PPP2R3B: variants seen among roughly 807,000 people sequenced by gnomAD.
The protein encoded by PPP2R3B is serine/threonine-protein phosphatase 2A regulatory subunit B'' subunit beta.
Under a neutral mutation model 72.9 loss-of-function variants are expected in PPP2R3B, and 68 were observed. The observed-to-expected ratio is 0.93, with a 90% CI of 0.77 to 1.14. The LOEUF (loss-of-function observed/expected upper bound fraction) is 1.14, where lower values mean the gene tolerates loss of function less well. PPP2R3B is among the 50% of genes most tolerant of loss of function. The pLI is 0.00. For synonymous variants in PPP2R3B, 466 were observed against 375.8 expected (o/e 1.24, Z -2.78); for missense variants, 1,018 against 842.0 (o/e 1.21, Z -2.59).
At chrX:370,784 G>A (rs2071843051) in intron 1 of PPP2R3B, among the ~76,000 whole-genome samples, 1 of 152,218 alleles carries the variant, frequency 6.6e-6, no homozygotes, top group East Asian at 1.9e-4. Context: ...CACGTGCCCT[G>A]GCGGTGAGAG....
At chrX:357,187 AAG>A (rs34526404) in intron 2 of PPP2R3B, among the ~76,000 whole-genome samples, 43,558 of 151,718 alleles carry the variant, frequency 0.29, 6,709 homozygotes, top group East Asian at 0.39. Flanking sequence ...CCAGGGAGAA[AAG>A]AGGGGAATGA....
intron 1 of PPP2R3B, among the ~76,000 whole-genome samples, chrX:375,063 A>C: frequency 6.8e-6 from 1 of 148,122 alleles, no homozygotes; most frequent in Non-Finnish European, 1.5e-5. Flanking sequence ...ACAGCCCCCC[A>C]CCCGCAAGGC....
chrX:369,633 T>TCCTCTCGCGACACCAG (rs2071811866), intron 1 of PPP2R3B, among the ~76,000 whole-genome samples: 3 of 151,852 alleles, frequency 2.0e-5, no homozygotes. Context: ...CCGTGACACA[T>TCCTCTCGCGACACCAG]CCTCTCGCGA....
chrX:371,968 C>A (rs1367834206), intron 1 of PPP2R3B, among the ~76,000 whole-genome samples: 1 of 152,156 alleles, frequency 6.6e-6, no homozygotes, highest in Non-Finnish European at 1.5e-5. Context: ...CATGATTTCC[C>A]AGAAACTGAC....
chrX:334,611 CAGCACGAGACAGTCCCCTG>C (rs1462170189), intron 12 of PPP2R3B, 94 bp from the exon 13 acceptor site: 34 of 1,313,078 alleles, frequency 2.6e-5, no homozygotes, highest in Non-Finnish European at 3.3e-5. Context: ...CGCCAACCTC[CAGCACGAGACAGTCCCCTG>C]AGCCGACCTT....
rs777344615 is a variant in PPP2R3B, at chrX:353,157, C to T, written c.511-5464G>A. ...GAGACGCCAAGGCGGGTGGATCACC[C>T]GAGGTCAAGAGTTCGAGACCAGCAT... On this transcript the variant is annotated intron_variant, in intron 2 of 12. Transcript: ENST00000390665. Among the ~76,000 whole-genome samples the T allele has an allele frequency of 2.6e-5, 4 of 152,098 alleles. No individual in the cohort carries two copies. The East Asian group carries it at 7.8e-4, about 30-fold the overall frequency.
intron 1 of PPP2R3B, among the ~76,000 whole-genome samples, chrX:370,563 C>CG (rs2071837387): frequency 6.6e-6 from 1 of 152,198 alleles, no homozygotes; most frequent in Non-Finnish European, 1.5e-5. Context: ...AAGCCCCTGG[C>CG]GGATGCTCCT....
intron 2 of PPP2R3B, chrX:359,852 G>C (rs759302922): frequency 1.9e-6 from 1 of 515,190 alleles, no homozygotes; most frequent in Non-Finnish European, 3.9e-6. Context: ...CTCTGGGGTA[G>C]AAACAGCACA....
intron 12 of PPP2R3B, chrX:336,319 C>T (rs923274493): frequency 2.0e-5 from 3 of 152,198 alleles, no homozygotes; most frequent in Non-Finnish European, 4.4e-5. Flanking sequence ...ACAGAGGAAC[C>T]ACGGAGCGAA....
At chrX:378,156 C>T (rs2072040515) in intron 1 of PPP2R3B, among the ~76,000 whole-genome samples, 1 of 152,326 alleles carries the variant, frequency 6.6e-6, no homozygotes, top group Non-Finnish European at 1.5e-5. Flanking sequence ...CTGTTCCCCC[C>T]AAATTCCTAC....
At chrX:378,665 TTCTC>T (rs960839521) in intron 1 of PPP2R3B, among the ~76,000 whole-genome samples, 2 of 151,978 alleles carry the variant, frequency 1.3e-5, no homozygotes, top group Non-Finnish European at 2.9e-5. Context: ...AACGGCATGG[TTCTC>T]TCTGTCAACA....
At chrX:346,137 CAAGGCAG>C (rs1272701098) in intron 6 of PPP2R3B, 30 bp downstream of exon 6, 21 of 1,427,596 alleles carry the variant, frequency 1.5e-5, no homozygotes, top group Non-Finnish European at 1.9e-5. Flanking sequence ...GGGGTAGGGA[CAAGGCAG>C]GGGGCAGGGG....
At chrX:341,065 G>T in intron 9 of PPP2R3B, 125 bp from the exon 10 acceptor site, 1 of 1,360,024 alleles carries the variant, frequency 7.4e-7, no homozygotes. Context: ...CCCACCGGGC[G>T]TGCAGGCATC....
intron 1 of PPP2R3B, among the ~76,000 whole-genome samples, chrX:371,190 C>A (rs753210559): frequency 6.6e-6 from 1 of 152,088 alleles, no homozygotes; most frequent in Non-Finnish European, 1.5e-5. Context: ...AGCAGCTGCA[C>A]GGCCCCACTC....
chrX:374,574 G>T (rs2071948840), intron 1 of PPP2R3B, among the ~76,000 whole-genome samples: 1 of 152,244 alleles, frequency 6.6e-6, no homozygotes, highest in Non-Finnish European at 1.5e-5. Context: ...GACATTCCGG[G>T]GGCCTGCACC....
chrX:354,725 C>A (rs2071405018), intron 2 of PPP2R3B, among the ~76,000 whole-genome samples: 1 of 152,064 alleles, frequency 6.6e-6, no homozygotes, highest in African/African-American at 2.4e-5. Context: ...GTGGCGGGTG[C>A]CAGTAGTCAC....
intron 2 of PPP2R3B, among the ~76,000 whole-genome samples, chrX:350,673 C>T (rs913550468): frequency 1.1e-4 from 16 of 152,340 alleles, no homozygotes; most frequent in Admixed American, 3.3e-4. Flanking sequence ...ATGACACGCG[C>T]GGCTGAGACA....
rs1247283531 is a variant in PPP2R3B, at chrX:338,972, C to T, written c.1352-76G>A. 4.1e-6 allele frequency: 5 copies of T among 1,219,200 alleles called. No individual in the cohort carries two copies. The Admixed American group carries it at 5.1e-5, about 12-fold the overall frequency. 75.5% of individuals were successfully genotyped at this position (1,219,200 alleles called of 1,614,324 possible). A position where few individuals can be genotyped will look rare whatever the true frequency, so the allele number is the denominator to read the frequency against. ...GGGCCTGGGTGTGGGGTGCGCGCGT[C>T]CTGTCACACGTGCTTAAGGACGCGG... On this transcript the variant is annotated intron_variant, in intron 10 of 12. Coordinates refer to ENST00000390665, the MANE Select transcript of PPP2R3B (RefSeq NM_013239.5).
At chrX:363,605 A>AATCCCACAGTGCATCTCTCGAAGCCCACG (rs2071605493) in intron 1 of PPP2R3B, among the ~76,000 whole-genome samples, 1 of 5,284 alleles carries the variant, frequency 1.9e-4, no homozygotes, top group Non-Finnish European at 4.1e-4. Context: ...CCGTGCCCGC[A>AATCCCACAGTGCATCTCTCGAAGCCCACG]ATCCCACAAT....
Sources: gnomAD v4.1 joint callset for allele counts (sites outside exome capture counted in the v4.1 genomes callset) on GRCh38, gnomAD v4.1.1 for gene constraint, MANE v1.5 for transcripts, NCBI Gene and HGNC (gene_info 2026-07-23, HGNC 2026-07-21) for gene names.